The following AP3D1 variants were observed in gnomAD, a reference collection of about 807,000 sequenced individuals.
AP3D1 encodes adaptor related protein complex 3 subunit delta 1.
In AP3D1, 51 loss-of-function variants were observed where a neutral mutation model predicts 147.6. The observed-to-expected ratio is 0.35, with a 90% confidence interval of 0.28 to 0.44. The LOEUF (loss-of-function observed/expected upper bound fraction) is 0.44, where lower values mean the gene tolerates loss of function less well. Ranked by LOEUF, AP3D1 falls within the 20% of genes least tolerant of loss-of-function variation. The probability of loss-of-function intolerance (pLI) is 1.00; values close to 1 mark genes in which losing one functional copy is unlikely to be tolerated. For synonymous variants in AP3D1, 760 were observed against 663.0 expected (o/e 1.15, Z -2.25); for missense variants, 1,421 against 1,624.2 (o/e 0.87, Z 2.15).
upstream of AP3D1, among the ~76,000 whole-genome samples, chr19:2,151,908 G>C (rs138021687): frequency 2.0e-5 from 3 of 152,240 alleles, no homozygotes; most frequent in African/African-American, 4.8e-5. Flanking sequence ...GAGCTTAGCC[G>C]GCAAGTTCCC....
intron 10 of AP3D1, 103 bp from the exon 11 acceptor site, chr19:2,123,509 T>C (rs1269734979): frequency 1.7e-6 from 2 of 1,196,672 alleles, no homozygotes; most frequent in Non-Finnish European, 2.4e-6. Context: ...AGGCCCGGCG[T>C]CAGCCCCACC....
chr19:2,154,210 A>G (rs1009982559), upstream of AP3D1, among the ~76,000 whole-genome samples: 2 of 151,808 alleles, frequency 1.3e-5, no homozygotes, highest in Non-Finnish European at 2.9e-5. Context: ...GGCCTCCCCA[A>G]AGTGCTGGAA....
chr19:2,147,836 G>T (rs1277651775), intron 1 of AP3D1, among the ~76,000 whole-genome samples: 1 of 149,748 alleles, frequency 6.7e-6, no homozygotes, highest in East Asian at 2.0e-4. Context: ...AGTGAGCCGA[G>T]ATCGTGCCAC....
upstream of AP3D1, among the ~76,000 whole-genome samples, chr19:2,153,849 C>A (rs994122577): frequency 6.6e-6 from 1 of 152,102 alleles, no homozygotes; most frequent in African/African-American, 2.4e-5. Context: ...TGATTTCTTT[C>A]CCCTCGCCCG....
chr19:2,115,314 T>C lies in AP3D1; in HGVS notation c.2254A>G (p.Lys752Glu), dbSNP rs201042393. Residue 752 changes from lysine to glutamate, a missense_variant, in exon 20 of 32, where the codon AAG (lysine) becomes GAG (glutamate). Around this residue, in one of 6 missense-constraint regions of AP3D1, gnomAD observed 791 missense variants for 761.4 expected, o/e 1.04. Transcript: ENST00000643116. ...AGCGAGCTGTGGCGGCGCTTGCCCT[T>C]CTTCTCCTTCTCCTTCCTCTTTTTC... Reference protein sequence around the residue: ...RRKKRKEKEKKGKRRHSSLPT... With the variant: ...RRKKRKEKEKEGKRRHSSLPT... The C allele has an allele frequency of 2.1e-4, 334 of 1,612,134 alleles. 1 individual carries two copies. The highest frequency in any genetic ancestry group is 2.6e-4 in the Non-Finnish European group (305 of 1,179,918).
intron 5 of AP3D1, among the ~76,000 whole-genome samples, chr19:2,131,397 G>A (rs1039581896): frequency 7.5e-4 from 113 of 150,412 alleles, no homozygotes; most frequent in Non-Finnish European, 1.2e-3. Context: ...GCAGCCACGC[G>A]GGGACAGCGC....
At chr19:2,152,312 G>C (rs1212633521), upstream of AP3D1, among the ~76,000 whole-genome samples, 1 of 150,620 alleles carries the variant, frequency 6.6e-6, no homozygotes, top group Non-Finnish European at 1.5e-5. Context: ...GAGGCCGTAA[G>C]CGGGAAGATC....
intron 24 of AP3D1, 66 bp from the exon 25 acceptor site, chr19:2,111,894 G>T: frequency 6.2e-7 from 1 of 1,604,898 alleles, no homozygotes; most frequent in South Asian, 1.1e-5. Flanking sequence ...CACAGTGTGA[G>T]GTCAGGATCA....
intron 31 of AP3D1, among the ~76,000 whole-genome samples, chr19:2,108,251 C>T (rs1009287324): frequency 1.4e-4 from 21 of 152,244 alleles, no homozygotes; most frequent in African/African-American, 4.6e-4. Flanking sequence ...AAAATATTCA[C>T]ACACTGCGTT....
intron 31 of AP3D1, among the ~76,000 whole-genome samples, chr19:2,105,822 G>A (rs755832841): frequency 9.9e-5 from 15 of 152,198 alleles, no homozygotes; most frequent in Non-Finnish European, 1.6e-4. Context: ...TCAGCCGGGC[G>A]CGGGGGCTCG....
At chr19:2,151,658 GGAGAC>G (rs925501345), upstream of AP3D1, 7 of 152,928 alleles carry the variant, frequency 4.6e-5, no homozygotes, top group African/African-American at 1.7e-4. Flanking sequence ...TCCCCGGCAG[GGAGAC>G]GCTGCGTTTC....
chr19:2,109,582 G>C, intron 29 of AP3D1: 1 of 508,956 alleles, frequency 2.0e-6, no homozygotes, highest in South Asian at 2.5e-5. Flanking sequence ...CCGAGGAGAG[G>C]CTTCAGGAGG....
chr19:2,119,325 G>A (rs969433659), intron 14 of AP3D1, among the ~76,000 whole-genome samples: 6 of 152,196 alleles, frequency 3.9e-5, no homozygotes, highest in East Asian at 1.9e-4. Context: ...CTGGGAGGCC[G>A]AGGCAGGCAG....
chr19:2,102,125 T>A lies in AP3D1; in HGVS notation c.*48A>T. On this transcript the variant is annotated 3_prime_UTR_variant, in exon 32 of 32. Transcript: ENST00000643116. ...GAGGCGAGACACGTCAGGGCTGCGG[T>A]CCCTGGGTACGTGCTCCGCGGGGTG... 1 of 1,487,024 alleles carries A rather than the reference T, an allele frequency of 6.7e-7. No homozygotes were observed. Among genetic ancestry groups the A allele is most frequent in the South Asian group, 1.1e-5 (1 of 88,266 alleles). The allele number at this position is 1,487,024 out of a possible 1,614,324, so 92.1% of individuals were successfully genotyped here. A position where few individuals can be genotyped will look rare whatever the true frequency, so the allele number is the denominator to read the frequency against.
chr19:2,134,214 G>T (rs2019020222), intron 4 of AP3D1, among the ~76,000 whole-genome samples: 1 of 152,114 alleles, frequency 6.6e-6, no homozygotes, highest in South Asian at 2.1e-4. Context: ...AGGGGTTTGA[G>T]ACCAGCCTAG....
At position 2,118,627 on chromosome 19, in the gene AP3D1, T is replaced by C; in HGVS notation, c.1687A>G (p.Ser563Gly). 1 of 1,611,498 alleles carries C rather than the reference T, an allele frequency of 6.2e-7. No homozygotes were observed. The highest frequency in any genetic ancestry group is 8.5e-7 in the Non-Finnish European group (1 of 1,179,982). The change falls in exon 15 of 32, where the codon AGC becomes GGC. Residue 563 changes from serine to glycine, a missense_variant. Transcript: ENST00000643116. Reference protein sequence around the residue: ...MVDRLPQFVQSADLEVQERAS... With the variant: ...MVDRLPQFVQGADLEVQERAS... ...CGCTCCTGCACCTCCAGGTCTGCGC[T>C]CTGCACAAACTGGGGCAGCCGGTCC...
chr19:2,117,802 C>T (rs1010784770), intron 15 of AP3D1, among the ~76,000 whole-genome samples: 7 of 152,264 alleles, frequency 4.6e-5, no homozygotes, highest in Admixed American at 1.3e-4. Flanking sequence ...CCCGGGGCCA[C>T]GCCCCATGCA....
upstream of AP3D1, among the ~76,000 whole-genome samples, chr19:2,154,429 G>A (rs368487933): frequency 2.7e-4 from 41 of 151,548 alleles, no homozygotes; most frequent in African/African-American, 9.0e-4. Flanking sequence ...ACAGGCGCTC[G>A]CCACCACGCC....
At chr19:2,105,138 T>C (rs937407234) in intron 31 of AP3D1, among the ~76,000 whole-genome samples, 2 of 152,164 alleles carry the variant, frequency 1.3e-5, no homozygotes, top group Admixed American at 6.5e-5. Context: ...CGAGGCAGAC[T>C]GGTGAGCTTG....
Sources: allele counts gnomAD v4.1 joint callset (sites outside exome capture counted in the v4.1 genomes callset), GRCh38; gene constraint gnomAD v4.1.1; regional missense constraint gnomAD v4.1.1; transcripts MANE v1.5; gene names NCBI Gene and HGNC (gene_info 2026-07-23, HGNC 2026-07-21).